Variants in CMYA5 observed in about 807,000 individuals in gnomAD.
CMYA5 encodes cardiomyopathy-associated protein 5.
In CMYA5, 246 loss-of-function variants were observed where a neutral mutation model predicts 318.9. The ratio of observed to expected loss-of-function variants is 0.77; its 90% confidence interval spans 0.70 to 0.86. CMYA5 has a LOEUF of 0.86. Ranked by LOEUF, CMYA5 falls within the 40% of genes least tolerant of loss-of-function variation. The pLI is 0.00. For synonymous variants in CMYA5, 1,641 were observed against 1,729.5 expected (o/e 0.95, Z 1.27); for missense variants, 4,589 against 4,678.2 (o/e 0.98, Z 0.56).
At chr5:79,757,802 G>A (rs185716776) in intron 6 of CMYA5, among the ~76,000 whole-genome samples, 1 of 152,182 alleles carries the variant, frequency 6.6e-6, no homozygotes, top group Non-Finnish European at 1.5e-5. Context: ...CCAACTATAG[G>A]ACTGTAGAAG....
chr5:79,784,736 T>TG (rs757245712), intron 9 of CMYA5, among the ~76,000 whole-genome samples: 4 of 144,572 alleles, frequency 2.8e-5, no homozygotes, highest in Non-Finnish European at 6.0e-5. Context: ...CCTGACCCCT[T>TG]GCGCTTCCCA....
At chr5:79,797,517 T>A (rs1298411156) in intron 12 of CMYA5, among the ~76,000 whole-genome samples, 1 of 152,208 alleles carries the variant, frequency 6.6e-6, no homozygotes, top group Non-Finnish European at 1.5e-5. Flanking sequence ...CTCTGTGAAA[T>A]ATGAGGCCCT....
chr5:79,743,785 C>A, intron 2 of CMYA5, 42 bp from the exon 3 acceptor site: 1 of 1,104,340 alleles, frequency 9.1e-7, no homozygotes, highest in Non-Finnish European at 1.3e-6. Context: ...AGTTCTCTTC[C>A]TAAATGTCAT....
At chr5:79,723,094 C>A (rs1827672957) in intron 1 of CMYA5, among the ~76,000 whole-genome samples, 1 of 152,106 alleles carries the variant, frequency 6.6e-6, no homozygotes, top group African/African-American at 2.4e-5. Context: ...CCAGTTTGTT[C>A]TATGAGGCAT....
At chr5:79,702,525 A>G (rs1212605190) in intron 1 of CMYA5, among the ~76,000 whole-genome samples, 3 of 152,350 alleles carry the variant, frequency 2.0e-5, no homozygotes, top group African/African-American at 7.2e-5. Context: ...GTATGGTTTC[A>G]TTTATATAAA....
intron 1 of CMYA5, among the ~76,000 whole-genome samples, chr5:79,703,401 A>G (rs1272174572): frequency 1.3e-5 from 2 of 152,222 alleles, no homozygotes; most frequent in African/African-American, 4.8e-5. Flanking sequence ...ATAAGAACAA[A>G]AAAGTCTTTC....
chr5:79,706,972 C>T (rs1580749190), intron 1 of CMYA5, among the ~76,000 whole-genome samples: 1 of 152,136 alleles, frequency 6.6e-6, no homozygotes, highest in Non-Finnish European at 1.5e-5. Flanking sequence ...GAGCTGCACT[C>T]CTAGATGTAC....
In CMYA5 at chr5:79,736,803, G is replaced by C. The variant is rs752161257; in HGVS notation, c.8038G>C (p.Glu2680Gln). The C allele has an allele frequency of 2.5e-6, 4 of 1,611,966 alleles. 1 individual carries two copies. In the South Asian group the frequency reaches 4.4e-5, roughly 18 times the overall value. The change falls in exon 2 of 13, where the codon GAG (glutamate) becomes CAG (glutamine). Residue 2680 changes from glutamate (E) to glutamine (Q), a missense_variant. Physicochemically the swap from Glu to Gln is conservative, Grantham distance 29. Transcript: ENST00000446378. ...AGAAAAAGAACAGTTCAGAGAGTCAGAGCTATCGAAAGGCGGTTCAGTAGA... is the reference window on the plus strand; with the variant it reads ...AGAAAAAGAACAGTTCAGAGAGTCACAGCTATCGAAAGGCGGTTCAGTAGA... ...SEEKEQFRES[E>Q]LSKGGSVDIT...
At chr5:79,762,969 A>G in intron 8 of CMYA5, 93 bp from the exon 9 acceptor site, 2 of 1,401,508 alleles carry the variant, frequency 1.4e-6, no homozygotes, top group Non-Finnish European at 1.9e-6. Context: ...TGAAAACAGA[A>G]TCATGCCGAA....
Position 79,763,084 on chromosome 5 carries a change from C to G in CMYA5, c.11430C>G (p.Arg3810=). Residue 3810 remains arginine, a synonymous_variant, in exon 9 of 13, where the codon CGC becomes CGG. Transcript: ENST00000446378. Reference sequence around the variant, plus strand: ...CAGCACCCTCCACCCCTGTGATCCGCGCTGAGGACTGTACTGTGTGTTGGA... The same window carrying G: ...CAGCACCCTCCACCCCTGTGATCCGGGCTGAGGACTGTACTGTGTGTTGGA... ...FRTAPSTPVI[R]AEDCTVCWNT... The G allele has an allele frequency of 6.2e-7, 1 of 1,613,832 alleles. No individual in the cohort carries two copies.
chr5:79,722,385 A>AATCT (rs1827657271), intron 1 of CMYA5, among the ~76,000 whole-genome samples: 1 of 152,152 alleles, frequency 6.6e-6, no homozygotes, highest in African/African-American at 2.4e-5. Context: ...ATGACATAAG[A>AATCT]ATCTATCTTG....
intron 5 of CMYA5, among the ~76,000 whole-genome samples, chr5:79,750,295 C>T (rs1828406075): frequency 6.8e-6 from 1 of 146,356 alleles, no homozygotes; most frequent in African/African-American, 2.5e-5. Context: ...TTTTCTCTTC[C>T]TTATGGTTTT....
chr5:79,752,922 GT>G (rs1021197581), intron 6 of CMYA5, 128 bp downstream of exon 6: 1 of 598,400 alleles, frequency 1.7e-6, no homozygotes, highest in Non-Finnish European at 2.9e-6. Context: ...AAAAGTATTA[GT>G]TGTAAAATGT....
chr5:79,754,605 TAAAC>T (rs1299972961), intron 6 of CMYA5, among the ~76,000 whole-genome samples: 2 of 152,042 alleles, frequency 1.3e-5, no homozygotes, highest in Non-Finnish European at 2.9e-5. Flanking sequence ...CAGATCATGA[TAAAC>T]AAACATGAAT....
intron 5 of CMYA5, among the ~76,000 whole-genome samples, 190 bp from the exon 6 acceptor site, chr5:79,752,486 T>A (rs796071706): frequency 6.6e-5 from 10 of 152,362 alleles, no homozygotes; most frequent in African/African-American, 2.4e-4. Context: ...TATTACCAGT[T>A]GCCTAAGAAT....
At chr5:79,716,617 C>T (rs1378894326) in intron 1 of CMYA5, among the ~76,000 whole-genome samples, 1 of 152,126 alleles carries the variant, frequency 6.6e-6, no homozygotes, top group East Asian at 1.9e-4. Context: ...GAAATTTTAA[C>T]AAGCTAAAAG....
chr5:79,729,998 C>G lies in CMYA5; in HGVS notation c.1233C>G (p.Asp411Glu). Residue 411 changes from aspartate (D) to glutamate (E), a missense_variant, in exon 2 of 13, where the codon GAC becomes GAG. Asp to Glu is a conservative substitution (Grantham distance 45, BLOSUM62 2). Coordinates refer to ENST00000446378, the MANE Select transcript of CMYA5 (RefSeq NM_153610.5). ...CAGGAACTGCAGCTTCAGAGAATGA[C>G]TCTTCAGTCTCACCATCATTTGCTA... ...ASPGTAASENDSSVSPSFANE... is the reference protein window; with the variant it reads ...ASPGTAASENESSVSPSFANE... 1 of 1,614,034 alleles carries G rather than the reference C, an allele frequency of 6.2e-7. No individual in the cohort carries two copies. The highest frequency in any genetic ancestry group is 8.5e-7 in the Non-Finnish European group (1 of 1,179,888).
chr5:79,750,819 A>G (rs1207990574), intron 5 of CMYA5, among the ~76,000 whole-genome samples: 1 of 152,136 alleles, frequency 6.6e-6, no homozygotes, highest in African/African-American at 2.4e-5. Context: ...CTGCCTTTTC[A>G]TATGCTGATG....
At chr5:79,791,777 C>G (rs1829185126) in intron 11 of CMYA5, among the ~76,000 whole-genome samples, 1 of 151,206 alleles carries the variant, frequency 6.6e-6, no homozygotes, top group East Asian at 1.9e-4. Flanking sequence ...TAGTTTCTGG[C>G]CACAGAATCT....
Sources: allele counts gnomAD v4.1 joint callset (sites outside exome capture counted in the v4.1 genomes callset), GRCh38; gene constraint gnomAD v4.1.1; transcripts MANE v1.5; gene names NCBI Gene and HGNC (gene_info 2026-07-23, HGNC 2026-07-21).